Variants in KIAA1217 observed in about 807,000 individuals in gnomAD.
KIAA1217 encodes sickle tail protein homolog.
In KIAA1217, 88 loss-of-function variants were observed where a neutral mutation model predicts 163.9. The ratio of observed to expected loss-of-function variants is 0.54; its 90% CI spans 0.45 to 0.64. The LOEUF (loss-of-function observed/expected upper bound fraction) is 0.64. KIAA1217 is among the 30% of genes least tolerant of loss of function. KIAA1217 has a pLI of 0.00. For missense variants in KIAA1217, 2,372 were observed against 2,475.0 expected (o/e 0.96, Z 0.88); for synonymous variants, 903 against 923.1 (o/e 0.98, Z 0.39).
intron 2 of KIAA1217, among the ~76,000 whole-genome samples, chr10:24,060,749 T>C (rs1013859527): frequency 1.3e-5 from 2 of 152,188 alleles, no homozygotes; most frequent in African/African-American, 4.8e-5. Context: ...TGAGCTATGA[T>C]GGCACTCCAC....
At chr10:23,927,751 C>G (rs1054396179) in intron 1 of KIAA1217, among the ~76,000 whole-genome samples, 2 of 152,152 alleles carry the variant, frequency 1.3e-5, no homozygotes, top group Non-Finnish European at 2.9e-5. Flanking sequence ...GTTGGGGGTT[C>G]TGCAGCAGAT....
chr10:24,185,561 G>A (rs894982883), intron 2 of KIAA1217, among the ~76,000 whole-genome samples: 1 of 152,142 alleles, frequency 6.6e-6, no homozygotes, highest in Non-Finnish European at 1.5e-5. Flanking sequence ...TTGGGAGGCT[G>A]AGGTGGACGG....
intron 13 of KIAA1217, among the ~76,000 whole-genome samples, chr10:24,525,017 G>C (rs527869942): frequency 2.7e-5 from 4 of 148,086 alleles, no homozygotes; most frequent in Non-Finnish European, 4.4e-5. Context: ...CCTGTAGGAA[G>C]GTGAGACAGC....
Position 23,709,179 on chromosome 10 carries a change from C to G in KIAA1217, c.-321+13945C>G, listed in dbSNP as rs190964069. On this transcript the variant is annotated intron_variant, in intron 1 of 18. Transcript: ENST00000376462. ...TGCGGCCACTTGACACTTTGGATAT[C>G]TCCTCTCAGGTATTCGGCTATAGCA... Among the ~76,000 whole-genome samples, 222 of 152,246 alleles carry G rather than the reference C, an allele frequency of 1.5e-3. 1 individual carries two copies. The highest frequency in any genetic ancestry group is 2.1e-3 in the Non-Finnish European group (143 of 68,012).
At chr10:24,504,344 A>G (rs2068064351) in intron 9 of KIAA1217, among the ~76,000 whole-genome samples, 1 of 152,150 alleles carries the variant, frequency 6.6e-6, no homozygotes, top group Non-Finnish European at 1.5e-5. Flanking sequence ...ACTCGCAGGG[A>G]AAAATAAGCA....
chr10:24,285,937 T>C (rs534250000), intron 2 of KIAA1217, among the ~76,000 whole-genome samples: 4 of 152,242 alleles, frequency 2.6e-5, no homozygotes, highest in African/African-American at 9.6e-5. Flanking sequence ...TATATTAATA[T>C]TTCTGGGTAT....
chr10:23,885,351 A>T (rs966668264), intron 1 of KIAA1217, among the ~76,000 whole-genome samples: 3 of 151,926 alleles, frequency 2.0e-5, no homozygotes, highest in Non-Finnish European at 4.4e-5. Flanking sequence ...CATGCTGTAC[A>T]TTAGAACTCT....
Position 24,513,243 on chromosome 10 carries a change from T to G in KIAA1217, c.2002-16T>G. ...GCAGGCAGAGCCCACTGAGGTTGATTTTTTTGTGTTCACAGCTGCAGAACC... is the reference window on the plus strand; with the variant it reads ...GCAGGCAGAGCCCACTGAGGTTGATGTTTTTGTGTTCACAGCTGCAGAACC... On this transcript the variant is annotated splice_polypyrimidine_tract_variant and intron_variant, in intron 9 of 20. Coordinates refer to ENST00000376454, the MANE Select transcript of KIAA1217 (RefSeq NM_019590.5). The G allele has an allele frequency of 6.2e-7, 1 of 1,612,356 alleles. No individual in the cohort carries two copies. Among genetic ancestry groups the G allele is most frequent in the African/African-American group, 1.3e-5 (1 of 74,986 alleles).
chr10:24,048,231 T>C (rs1356572670), intron 2 of KIAA1217, among the ~76,000 whole-genome samples: 1 of 152,220 alleles, frequency 6.6e-6, no homozygotes, highest in Non-Finnish European at 1.5e-5. Flanking sequence ...TATGGGTCAT[T>C]ACATTTCTCC....
At chr10:24,015,365 T>A (rs1270037111) in intron 2 of KIAA1217, among the ~76,000 whole-genome samples, 1 of 152,136 alleles carries the variant, frequency 6.6e-6, no homozygotes, top group African/African-American at 2.4e-5. Flanking sequence ...TTGGGGTCCC[T>A]CTTAAATAGT....
At chr10:24,332,447 G>T (rs2045806058) in intron 2 of KIAA1217, among the ~76,000 whole-genome samples, 1 of 152,168 alleles carries the variant, frequency 6.6e-6, no homozygotes, top group Admixed American at 6.5e-5. Flanking sequence ...TTTGGGATGG[G>T]TTGGGGTAGC....
intron 2 of KIAA1217, among the ~76,000 whole-genome samples, chr10:24,261,799 T>G (rs1474284394): frequency 6.6e-6 from 1 of 152,204 alleles, no homozygotes; most frequent in Non-Finnish European, 1.5e-5. Flanking sequence ...TGCCACCATC[T>G]ATTTTGCATG....
intron 1 of KIAA1217, among the ~76,000 whole-genome samples, chr10:23,715,647 G>C (rs189805980): frequency 6.6e-6 from 1 of 152,230 alleles, no homozygotes; most frequent in African/African-American, 2.4e-5. Context: ...ATGAAGTGAT[G>C]ACTAACATGT....
At chr10:24,330,312 A>AG (rs1212473725) in intron 2 of KIAA1217, among the ~76,000 whole-genome samples, 2 of 151,972 alleles carry the variant, frequency 1.3e-5, no homozygotes, top group African/African-American at 4.8e-5. Flanking sequence ...AAAAAAAAAA[A>AG]AAAAAGAATA....
chr10:23,852,221 C>G (rs1176316081), intron 1 of KIAA1217, among the ~76,000 whole-genome samples: 4 of 152,104 alleles, frequency 2.6e-5, no homozygotes, highest in Non-Finnish European at 5.9e-5. Flanking sequence ...CCAGTTTCAG[C>G]TTTCTACATA....
At chr10:24,163,012 G>GA (rs1369795238) in intron 2 of KIAA1217, among the ~76,000 whole-genome samples, 2 of 152,080 alleles carry the variant, frequency 1.3e-5, no homozygotes, top group African/African-American at 4.8e-5. Context: ...AATGACATGG[G>GA]AAAAAATCAC....
intron 2 of KIAA1217, among the ~76,000 whole-genome samples, chr10:24,203,463 G>A (rs1309658882): frequency 6.6e-6 from 1 of 152,048 alleles, no homozygotes; most frequent in Admixed American, 6.6e-5. Context: ...CAGCAAAGTT[G>A]GGGGATGTTG....
At chr10:23,869,882 G>C (rs577256910) in intron 1 of KIAA1217, among the ~76,000 whole-genome samples, 1 of 152,170 alleles carries the variant, frequency 6.6e-6, no homozygotes, top group South Asian at 2.1e-4. Flanking sequence ...TTAATATCTT[G>C]TTGACATCTG....
chr10:24,086,577 C>A (rs2061705927), intron 2 of KIAA1217, among the ~76,000 whole-genome samples: 1 of 152,066 alleles, frequency 6.6e-6, no homozygotes, highest in South Asian at 2.1e-4. Flanking sequence ...GCTTTAGTTT[C>A]ATATTTTCTG....
Sources: gnomAD v4.1 joint callset for allele counts (sites outside exome capture counted in the v4.1 genomes callset) on GRCh38, gnomAD v4.1.1 for gene constraint, MANE v1.5 for transcripts, NCBI Gene and HGNC (gene_info 2026-07-23, HGNC 2026-07-21) for gene names.